The following TG variants were observed in gnomAD, a reference collection of about 807,000 sequenced individuals.
TG encodes the protein thyroglobulin, also known as thyroid hormones.
Under a neutral mutation model 324.7 loss-of-function variants are expected in TG, and 270 were observed. That is an observed-to-expected ratio of 0.83 (90% CI 0.75 to 0.92). The LOEUF is 0.92. TG is among the 40% of genes least tolerant of loss of function. TG has a pLI of 0.00. For synonymous variants in TG, 1,401 were observed against 1,327.0 expected (o/e 1.06, Z -1.21); for missense variants, 3,591 against 3,456.4 (o/e 1.04, Z -0.98).
chr8:132,928,060 C>T (rs541955222), intron 22 of TG, among the ~76,000 whole-genome samples: 126 of 152,150 alleles, frequency 8.3e-4, no homozygotes, highest in Non-Finnish European at 1.5e-3. Context: ...CCTGAGCCAC[C>T]GCGCCTGGCC....
At chr8:133,045,697 A>G (rs1444827035) in intron 41 of TG, among the ~76,000 whole-genome samples, 1 of 152,132 alleles carries the variant, frequency 6.6e-6, no homozygotes, top group Non-Finnish European at 1.5e-5. Context: ...GCCGGGCCTC[A>G]TCCTCTTTGC....
At chr8:133,034,180 A>T (rs1836881251) in intron 41 of TG, among the ~76,000 whole-genome samples, 1 of 152,212 alleles carries the variant, frequency 6.6e-6, no homozygotes, top group Non-Finnish European at 1.5e-5. Context: ...TGGGAGTTGG[A>T]GTGACATAGA....
intron 27 of TG, among the ~76,000 whole-genome samples, chr8:132,951,063 T>G (rs1473822983): frequency 6.6e-6 from 1 of 152,196 alleles, no homozygotes; most frequent in African/African-American, 2.4e-5. Flanking sequence ...CTGCCTTTCT[T>G]AACCACTTCT....
rs16904820 is a variant in TG at position 133,071,910 on chromosome 8, C to T, written c.7240-23134C>T. 9.7e-3 allele frequency among the ~76,000 whole-genome samples: 1,482 copies of T among 152,210 alleles called. 23 individuals carry two copies. The highest frequency in any genetic ancestry group is 0.034 in the African/African-American group (1,420 of 41,504). The stretch of plus-strand genomic sequence containing the variant: ...CCTCAATGAAAAGCCATGATCTAGC[C>T]GGTGTCTGGCACATAATGCAAGCTC... On this transcript the variant is annotated intron_variant, in intron 41 of 47. Coordinates refer to ENST00000220616, the MANE Select transcript of TG (RefSeq NM_003235.5).
chr8:133,021,633 G>C (rs1835573977), intron 39 of TG, among the ~76,000 whole-genome samples: 2 of 152,228 alleles, frequency 1.3e-5, no homozygotes, highest in African/African-American at 4.8e-5. Flanking sequence ...GGTTCCTTCA[G>C]AGGCTCCTCT....
At chr8:133,049,269 A>G (rs1839995612) in intron 41 of TG, 3 of 414,314 alleles carry the variant, frequency 7.2e-6, no homozygotes, top group Non-Finnish European at 9.8e-6. Flanking sequence ...CCATTTTTCA[A>G]GGAAGGCACA....
intron 41 of TG, chr8:133,049,214 T>C: frequency 4.4e-6 from 2 of 454,186 alleles, no homozygotes; most frequent in Non-Finnish European, 8.9e-6. Context: ...CTTATTTTCT[T>C]ATCTGTTGAG....
At chr8:133,113,267 T>G (rs1564204163) in intron 43 of TG, among the ~76,000 whole-genome samples, 155 bp from the exon 44 acceptor site, 1 of 152,158 alleles carries the variant, frequency 6.6e-6, no homozygotes, top group Non-Finnish European at 1.5e-5. Context: ...GAGGCAGAGC[T>G]GGGATTCGAA....
At chr8:132,924,286 T>C (rs1390071897) in intron 22 of TG, among the ~76,000 whole-genome samples, 1 of 152,148 alleles carries the variant, frequency 6.6e-6, no homozygotes, top group Non-Finnish European at 1.5e-5. Flanking sequence ...GCTCAGGCAG[T>C]AATGCTCACT....
rs80285078 is a variant in TG at position 133,022,000 on chromosome 8, G to A, written c.6886G>A (p.Ala2296Thr). 5.1e-4 allele frequency: 816 copies of A among 1,614,128 alleles called. 3 individuals are homozygous for A. The African/African-American group carries it at 8.3e-3, about 17-fold the overall frequency. ...TCTCCAATACCCACAGGCCCCTAAC[G>A]CGTCTGTGCTGGTGTTCTTCCACAA... is the stretch of plus-strand genomic sequence containing the variant. Reference protein sequence around the residue: ...VFIPQNVAPNASVLVFFHNTM... With the variant: ...VFIPQNVAPNTSVLVFFHNTM... The change falls in exon 40 of 48, where the codon GCG (alanine) becomes ACG (threonine). Residue 2296 changes from alanine to threonine, a missense_variant. By Grantham distance (58) the Ala-to-Thr change is moderately conservative (BLOSUM62 0). Transcript: ENST00000220616.
intron 35 of TG, among the ~76,000 whole-genome samples, chr8:132,995,906 C>G (rs1418895668): frequency 6.6e-6 from 1 of 152,142 alleles, no homozygotes; most frequent in East Asian, 1.9e-4. Context: ...GGTTACCCAC[C>G]AACACACAAG....
intron 35 of TG, among the ~76,000 whole-genome samples, chr8:132,984,448 G>T (rs900801137): frequency 6.6e-6 from 1 of 152,204 alleles, no homozygotes; most frequent in Non-Finnish European, 1.5e-5. Context: ...ATAGACGTTA[G>T]CTTCCTGAGA....
intron 2 of TG, among the ~76,000 whole-genome samples, chr8:132,869,496 C>A (rs1253220418): frequency 6.6e-6 from 1 of 152,176 alleles, no homozygotes; most frequent in Admixed American, 6.5e-5. Context: ...GCAGGCTGGA[C>A]AGGTGGTGAA....
At chr8:132,923,177 C>G (rs1821347345) in intron 21 of TG, among the ~76,000 whole-genome samples, 161 bp from the exon 22 acceptor site, 1 of 152,056 alleles carries the variant, frequency 6.6e-6, no homozygotes, top group South Asian at 2.1e-4. Context: ...TCACAGGGGC[C>G]TTATTGATCA....
intron 45 of TG, among the ~76,000 whole-genome samples, chr8:133,121,529 C>T (rs539084826): frequency 9.9e-5 from 15 of 152,234 alleles, no homozygotes; most frequent in Admixed American, 7.2e-4. Context: ...TTTATAGTAG[C>T]GGTATTGCTA....
chr8:133,052,662 C>T (rs141275394), intron 41 of TG, among the ~76,000 whole-genome samples: 291 of 152,336 alleles, frequency 1.9e-3, no homozygotes, highest in African/African-American at 6.8e-3. Flanking sequence ...CCCAAGTTCT[C>T]ACAAAGGGCA....
intron 41 of TG, chr8:133,063,961 G>A (rs1399473796): frequency 1.3e-5 from 2 of 152,190 alleles, no homozygotes; most frequent in South Asian, 2.1e-4. Flanking sequence ...AGAGGGTACC[G>A]GAGACATAAT....
chr8:132,949,436 C>T (rs890702539), intron 27 of TG, among the ~76,000 whole-genome samples: 9 of 152,196 alleles, frequency 5.9e-5, no homozygotes, highest in Non-Finnish European at 1.3e-4. Flanking sequence ...AAACAAGAGA[C>T]AAAGGGTGGG....
intron 27 of TG, among the ~76,000 whole-genome samples, chr8:132,957,415 A>G (rs1265219077): frequency 6.6e-6 from 1 of 152,166 alleles, no homozygotes; most frequent in Non-Finnish European, 1.5e-5. Flanking sequence ...AGTTCAGTAC[A>G]TTCTGGGCCA....
Sources: gnomAD v4.1 joint callset for allele counts (sites outside exome capture counted in the v4.1 genomes callset) on GRCh38, gnomAD v4.1.1 for gene constraint, MANE v1.5 for transcripts, NCBI Gene and HGNC (gene_info 2026-07-23, HGNC 2026-07-21) for gene names.